The following CASQ2 variants were observed in gnomAD, a reference collection of about 807,000 sequenced individuals.
CASQ2 encodes calsequestrin-2.
A neutral mutation model predicts 46.5 loss-of-function variants in CASQ2; 49 were observed. That is an observed-to-expected ratio of 1.05 (90% CI 0.84 to 1.34). The LOEUF (loss-of-function observed/expected upper bound fraction) is 1.34. CASQ2 is among the 40% of genes most tolerant of loss of function. The probability of loss-of-function intolerance (pLI) is 0.00; values close to 1 mark genes in which losing one functional copy is unlikely to be tolerated. For synonymous variants in CASQ2, 174 were observed against 168.5 expected, an observed-to-expected ratio of 1.03 and a Z score of -0.25; for missense variants, 486 against 481.3, an observed-to-expected ratio of 1.01 and a Z score of -0.09.
intron 8 of CASQ2, among the ~76,000 whole-genome samples, chr1:115,706,472 C>T (rs1414283039): frequency 2.0e-5 from 3 of 152,134 alleles, no homozygotes; most frequent in Admixed American, 6.5e-5. Context: ...CAGATGTGCA[C>T]CCCACTCAGA....
intron 2 of CASQ2, among the ~76,000 whole-genome samples, chr1:115,743,348 A>T (rs560623908): frequency 1.3e-5 from 2 of 151,980 alleles, no homozygotes; most frequent in East Asian, 3.9e-4. Flanking sequence ...GGCTCAAGCC[A>T]TTCTCTCATC....
chr1:115,744,158 GAAAA>G, intron 2 of CASQ2, among the ~76,000 whole-genome samples: 1 of 140,160 alleles, frequency 7.1e-6, no homozygotes, highest in Non-Finnish European at 1.6e-5. Flanking sequence ...AAAAAAAAAA[GAAAA>G]AAAGAAAAGA....
intron 7 of CASQ2, among the ~76,000 whole-genome samples, chr1:115,723,489 T>C (rs1647463862): frequency 6.6e-6 from 1 of 152,174 alleles, no homozygotes; most frequent in Admixed American, 6.5e-5. Flanking sequence ...AAATACTATT[T>C]TAAAGCACTA....
chr1:115,717,690 C>T (rs771081935), intron 8 of CASQ2, 150 bp downstream of exon 8: 2 of 753,040 alleles, frequency 2.7e-6, no homozygotes, highest in Non-Finnish European at 4.9e-6. Context: ...TGAAAACGAA[C>T]TCATACTTAA....
intron 2 of CASQ2, among the ~76,000 whole-genome samples, chr1:115,744,305 A>T (rs1648307871): frequency 6.6e-6 from 1 of 152,174 alleles, no homozygotes; most frequent in Non-Finnish European, 1.5e-5. Context: ...TCACTTAACC[A>T]TACCTCACCT....
chr1:115,752,773 G>T (rs567921654), intron 1 of CASQ2, among the ~76,000 whole-genome samples: 32 of 152,350 alleles, frequency 2.1e-4, no homozygotes, highest in African/African-American at 7.7e-4. Context: ...TGACTAAGTT[G>T]TGTTTGGCAA....
intron 4 of CASQ2, among the ~76,000 whole-genome samples, chr1:115,737,232 A>C (rs1647993901): frequency 6.6e-6 from 1 of 152,242 alleles, no homozygotes; most frequent in Non-Finnish European, 1.5e-5. Context: ...ATTCATTTTA[A>C]GCACTGTAAA....
chr1:115,735,965 C>T (rs759180210), intron 4 of CASQ2, among the ~76,000 whole-genome samples: 4 of 151,924 alleles, frequency 2.6e-5, no homozygotes, highest in Non-Finnish European at 5.9e-5. Flanking sequence ...AGTTCCAGAC[C>T]AGCCTGGCCA....
At chr1:115,707,772 A>C (rs1387671599) in intron 8 of CASQ2, among the ~76,000 whole-genome samples, 1 of 152,264 alleles carries the variant, frequency 6.6e-6, no homozygotes, top group Non-Finnish European at 1.5e-5. Flanking sequence ...TGACACTGCC[A>C]GTACTTTGGA....
At chr1:115,705,631 G>A (rs554128729) in intron 8 of CASQ2, among the ~76,000 whole-genome samples, 137 of 152,302 alleles carry the variant, frequency 9.0e-4, no homozygotes, top group African/African-American at 3.0e-3. Flanking sequence ...GATCCTGTGC[G>A]ATCTCTTGAA....
intron 8 of CASQ2, among the ~76,000 whole-genome samples, chr1:115,712,539 G>A (rs1391354514): frequency 2.0e-5 from 3 of 152,138 alleles, no homozygotes; most frequent in Non-Finnish European, 2.9e-5. Flanking sequence ...GTACACCGGG[G>A]AAGATGATAA....
At chr1:115,753,000 G>C (rs540927260) in intron 1 of CASQ2, among the ~76,000 whole-genome samples, 1 of 152,102 alleles carries the variant, frequency 6.6e-6, no homozygotes, top group Admixed American at 6.5e-5. Context: ...AAGGGAGAGA[G>C]ATCAAAGAAG....
chr1:115,742,101 G>T (rs1235940299), intron 2 of CASQ2, among the ~76,000 whole-genome samples: 1 of 152,124 alleles, frequency 6.6e-6, no homozygotes, highest in Non-Finnish European at 1.5e-5. Flanking sequence ...AGGCTGGAGT[G>T]CAGGGCCATG....
At chr1:115,748,572 A>T (rs1312475913) in intron 1 of CASQ2, among the ~76,000 whole-genome samples, 3 of 135,072 alleles carry the variant, frequency 2.2e-5, no homozygotes, top group Non-Finnish European at 4.6e-5. Flanking sequence ...GTAACTAGGC[A>T]ACACTTAAGA....
At chr1:115,733,209 T>C (rs1647846855) in intron 4 of CASQ2, among the ~76,000 whole-genome samples, 1 of 152,094 alleles carries the variant, frequency 6.6e-6, no homozygotes, top group African/African-American at 2.4e-5. Context: ...CACACTTTTA[T>C]GAACTGCAGG....
At chr1:115,712,341 G>A (rs911669815) in intron 8 of CASQ2, among the ~76,000 whole-genome samples, 1 of 152,132 alleles carries the variant, frequency 6.6e-6, no homozygotes, top group Non-Finnish European at 1.5e-5. Context: ...TCTTCTCCTG[G>A]CGCTAAGATC....
intron 2 of CASQ2, among the ~76,000 whole-genome samples, chr1:115,741,951 A>C (rs1167351157): frequency 1.3e-5 from 2 of 152,178 alleles, no homozygotes; most frequent in African/African-American, 4.8e-5. Flanking sequence ...GCTGTGTCCC[A>C]AGGCATGCAT....
chr1:115,732,555 C>T (rs775167759), intron 5 of CASQ2, among the ~76,000 whole-genome samples: 12 of 152,140 alleles, frequency 7.9e-5, no homozygotes, highest in Non-Finnish European at 1.3e-4. Context: ...AGTATGCAAC[C>T]CCAGGAAGGG....
At chr1:115,744,690 A>G in intron 2 of CASQ2, 138 bp downstream of exon 2, 1 of 692,874 alleles carries the variant, frequency 1.4e-6, no homozygotes, top group Non-Finnish European at 2.6e-6. Flanking sequence ...TCTCCAACCA[A>G]AGATGAAGGT....
Sources: allele counts gnomAD v4.1 joint callset (sites outside exome capture counted in the v4.1 genomes callset), GRCh38; gene constraint gnomAD v4.1.1; transcripts MANE v1.5; gene names NCBI Gene and HGNC (gene_info 2026-07-23, HGNC 2026-07-21).